The following FKBP5 variants were observed in gnomAD, a reference collection of about 807,000 sequenced individuals.
FKBP5 encodes FKBP prolyl isomerase 5.
A neutral mutation model predicts 50.5 loss-of-function variants in FKBP5; 23 were observed. That is an observed-to-expected ratio of 0.46 (90% CI 0.33 to 0.65). The LOEUF is 0.65. FKBP5 is among the 30% of genes least tolerant of loss of function. The pLI, the probability that FKBP5 is intolerant of heterozygous loss-of-function variation, is 0.02. For synonymous variants in FKBP5, 176 were observed against 190.6 expected (o/e 0.92, Z 0.63); for missense variants, 411 against 553.1 (o/e 0.74, Z 2.58).
intron 8 of FKBP5, chr6:35,583,394 CAAAA>C: frequency 1.0e-6 from 1 of 985,376 alleles, no homozygotes; most frequent in Non-Finnish European, 1.2e-6. Context: ...TAAAACAAAA[CAAAA>C]CACAAAAAAC....
intron 2 of FKBP5, among the ~76,000 whole-genome samples, chr6:35,700,821 T>C (rs1191064547): frequency 6.6e-6 from 1 of 152,032 alleles, no homozygotes; most frequent in Non-Finnish European, 1.5e-5. Context: ...TAGCCGGGCA[T>C]GGTGGTGCAC....
At chr6:35,623,698 T>C (rs1225619968) in intron 3 of FKBP5, among the ~76,000 whole-genome samples, 1 of 151,714 alleles carries the variant, frequency 6.6e-6, no homozygotes, top group Non-Finnish European at 1.5e-5. Context: ...GCCTCCCAAG[T>C]AGCTGGGACC....
chr6:35,699,584 T>G (rs771917430), intron 2 of FKBP5, among the ~76,000 whole-genome samples: 30 of 152,202 alleles, frequency 2.0e-4, no homozygotes, highest in Non-Finnish European at 1.0e-4. Flanking sequence ...AGTATTGAGC[T>G]TGACGTCCAT....
chr6:35,677,418 T>C (rs541631255), intron 1 of FKBP5, among the ~76,000 whole-genome samples: 55 of 152,332 alleles, frequency 3.6e-4, no homozygotes, highest in African/African-American at 4.6e-4. Context: ...TCAGGAAATA[T>C]GAGACATGGG....
chr6:35,579,969 C>A, intron 9 of FKBP5, 67 bp downstream of exon 9: 1 of 1,217,892 alleles, frequency 8.2e-7, no homozygotes, highest in Non-Finnish European at 1.1e-6. Flanking sequence ...TGAGAGGAAG[C>A]AAAAGACAGA....
At chr6:35,709,946 C>G (rs867764512) in intron 2 of FKBP5, among the ~76,000 whole-genome samples, 1 of 151,110 alleles carries the variant, frequency 6.6e-6, no homozygotes, top group African/African-American at 2.4e-5. Flanking sequence ...CAGGGTAATG[C>G]GATAAAAAGT....
Position 35,683,004 on chromosome 6 carries a change from A to G in FKBP5, c.-20+5800T>C, listed in dbSNP as rs535848869. The stretch of plus-strand genomic sequence containing the variant: ...ACGTCAATCTCTTTAAAATGTATGT[A>G]TGTGTCTGTGTGTATATATATGTCT... On this transcript the variant is annotated intron_variant, in intron 1 of 10. Transcript: ENST00000357266. Among the ~76,000 whole-genome samples, 29 of 150,938 alleles carry G rather than the reference A, an allele frequency of 1.9e-4. 1 individual carries two copies. The South Asian group carries it at 5.6e-3, about 29-fold the overall frequency.
chr6:35,663,452 C>T (rs1475969839), intron 1 of FKBP5, among the ~76,000 whole-genome samples: 1 of 152,226 alleles, frequency 6.6e-6, no homozygotes, highest in African/African-American at 2.4e-5. Context: ...AGCAGACTAG[C>T]TTTAAGAAAA....
intron 1 of FKBP5, among the ~76,000 whole-genome samples, chr6:35,670,891 C>T (rs943716238): frequency 1.3e-5 from 2 of 151,968 alleles, no homozygotes; most frequent in Non-Finnish European, 2.9e-5. Context: ...AATATAAATG[C>T]ACACATACAC....
intron 8 of FKBP5, chr6:35,585,324 C>G (rs1029891833): frequency 1.0e-6 from 1 of 978,992 alleles, no homozygotes; most frequent in Non-Finnish European, 1.2e-6. Context: ...ATACAAATAA[C>G]CCACTTGGAA....
At position 35,575,777 on chromosome 6, in the gene FKBP5, G is replaced by A; in HGVS notation, c.*58C>T. 1 of 1,094,388 alleles carries A rather than the reference G, an allele frequency of 9.1e-7. No individual in the cohort carries two copies. Among genetic ancestry groups the A allele is most frequent in the Non-Finnish European group, 1.4e-6 (1 of 705,292 alleles). The allele number at this position is 1,094,388 out of a possible 1,614,324, so 67.8% of individuals were successfully genotyped here. A position where few individuals can be genotyped will look rare whatever the true frequency, so the allele number is the denominator to read the frequency against. ...AAACACTGTTCTGTCCTGAGTTGGG[G>A]GAAAGCCCATTGAGGAGGGGCCGAG... On this transcript the variant is annotated 3_prime_UTR_variant, in exon 11 of 11. Coordinates refer to ENST00000357266, the MANE Select transcript of FKBP5 (RefSeq NM_004117.4).
At chr6:35,662,418 A>T (rs1765094362) in intron 1 of FKBP5, among the ~76,000 whole-genome samples, 1 of 150,436 alleles carries the variant, frequency 6.6e-6, no homozygotes, top group Non-Finnish European at 1.5e-5. Flanking sequence ...GGGATTAGAG[A>T]CATGCACAAC....
intron 5 of FKBP5, among the ~76,000 whole-genome samples, chr6:35,598,138 G>A (rs1241774973): frequency 6.6e-6 from 1 of 152,142 alleles, no homozygotes; most frequent in Non-Finnish European, 1.5e-5. Flanking sequence ...CTTTCCCAGA[G>A]TAATTTCATA....
chr6:35,591,162 T>C lies in FKBP5; in HGVS notation c.724A>G (p.Ile242Val), dbSNP rs762346948. The C allele has an allele frequency of 3.2e-5, 52 of 1,613,058 alleles. No individual in the cohort carries two copies. The highest frequency in any genetic ancestry group is 4.1e-5 in the Non-Finnish European group (48 of 1,179,562). Reference sequence around the variant, plus strand: ...AAGCTCTTAAGTGTAACTTCATATATAAGCTCAGCATTAGGTTCAATGCCA... The same window carrying C: ...AAGCTCTTAAGTGTAACTTCATATACAAGCTCAGCATTAGGTTCAATGCCA... ...KFGIEPNAEL[I>V]YEVTLKSFEK... The change falls in exon 7 of 11, where the codon ATA becomes GTA. Residue 242 changes from isoleucine (I) to valine (V), a missense_variant. Coordinates refer to ENST00000357266, the MANE Select transcript of FKBP5 (RefSeq NM_004117.4).
rs528127203 is a variant in FKBP5 at position 35,672,911 on chromosome 6, CAG to C, written c.-20+15891_-20+15892del. Reference sequence around the variant, plus strand: ...CGCCACTGCACTCCAGCCTGGGCAACAGAGAGAGACTCCGTCTCAAAAAAAAA... The same window carrying C: ...CGCCACTGCACTCCAGCCTGGGCAACAGAGAGACTCCGTCTCAAAAAAAAA... On this transcript the variant is annotated intron_variant, in intron 1 of 10. Transcript: ENST00000357266. Among the ~76,000 whole-genome samples, 60 of 148,766 alleles carry C rather than the reference CAG, an allele frequency of 4.0e-4. No individual in the cohort carries two copies. In the South Asian group the frequency reaches 6.1e-3, roughly 15 times the overall value.
In FKBP5 at chr6:35,584,481, A is replaced by G. The variant is rs181427735; in HGVS notation, c.840+2553T>C. 7.1e-5 allele frequency: 70 copies of G among 985,496 alleles called. No homozygotes were observed. In the African/African-American group the frequency reaches 1.2e-3, roughly 17 times the overall value. The allele number at this position is 985,496 out of a possible 1,614,324, so 61.0% of individuals were successfully genotyped here. On this transcript the variant is annotated intron_variant, in intron 8 of 10. Transcript: ENST00000357266. The stretch of plus-strand genomic sequence containing the variant: ...ACATCTGGACTCTGTGCAAATGCAT[A>G]ACATGCCAAGTCAGACACCCTGGAA...
chr6:35,608,564 G>A (rs761552817), intron 5 of FKBP5, among the ~76,000 whole-genome samples: 4 of 152,096 alleles, frequency 2.6e-5, no homozygotes, highest in Non-Finnish European at 5.9e-5. Context: ...GTGTGCACCT[G>A]CAGTTCCAGC....
At chr6:35,696,199 T>A (rs1030838414) in intron 2 of FKBP5, among the ~76,000 whole-genome samples, 3 of 148,100 alleles carry the variant, frequency 2.0e-5, no homozygotes, top group African/African-American at 7.5e-5. Flanking sequence ...AGAGGTTTTT[T>A]AAAAAAGAAA....
At chr6:35,577,356 A>G (rs1762253160) in intron 9 of FKBP5, 123 bp from the exon 10 acceptor site, 1 of 828,714 alleles carries the variant, frequency 1.2e-6, no homozygotes, top group African/African-American at 1.7e-5. Flanking sequence ...GGCTCAAGAT[A>G]ATTACATACT....
Sources: allele counts gnomAD v4.1 joint callset (sites outside exome capture counted in the v4.1 genomes callset), GRCh38; gene constraint gnomAD v4.1.1; transcripts MANE v1.5; gene names NCBI Gene and HGNC (gene_info 2026-07-23, HGNC 2026-07-21).